The following GREB1 variants were observed in gnomAD, a reference collection of about 807,000 sequenced individuals.
GREB1 encodes the protein growth regulating estrogen receptor binding 1.
Under a neutral mutation model 200.7 loss-of-function variants are expected in GREB1, and 106 were observed. The ratio of observed to expected loss-of-function variants is 0.53; its 90% confidence interval spans 0.45 to 0.62. GREB1 has a LOEUF of 0.62. GREB1 is among the 20% of genes least tolerant of loss of function. The pLI is 0.00. For missense variants in GREB1, 2,243 were observed against 2,556.8 expected (o/e 0.88, Z 2.65); for synonymous variants, 1,132 against 1,092.4 (o/e 1.04, Z -0.72).
chr2:11,552,988 C>T (rs1334495602), intron 1 of GREB1, among the ~76,000 whole-genome samples: 15 of 132,534 alleles, frequency 1.1e-4, no homozygotes, highest in African/African-American at 3.0e-4. Flanking sequence ...CCAGCCTGGG[C>T]GACAGAGCGA....
chr2:11,627,150 T>C (rs746046518), intron 25 of GREB1, 46 bp downstream of exon 25: 15 of 1,517,044 alleles, frequency 9.9e-6, no homozygotes, highest in Non-Finnish European at 1.3e-5. Flanking sequence ...TTGGCTCACA[T>C]TGTCCGTTCC....
chr2:11,531,465 G>A (rs1456849709), upstream of GREB1, among the ~76,000 whole-genome samples: 1 of 151,790 alleles, frequency 6.6e-6, no homozygotes, highest in African/African-American at 2.4e-5. Context: ...AAATGCATGT[G>A]ATCATTTGTA....
intron 17 of GREB1, among the ~76,000 whole-genome samples, chr2:11,605,144 C>CTT (rs3035991): frequency 0.024 from 1,061 of 44,778 alleles, 211 homozygotes; most frequent in Non-Finnish European, 0.036. Context: ...GAGCCTGCTT[C>CTT]TTTTTTTTTT....
chr2:11,499,267 T>C (rs1345230291), intron 1 of GREB1, among the ~76,000 whole-genome samples: 1 of 152,218 alleles, frequency 6.6e-6, no homozygotes, highest in Non-Finnish European at 1.5e-5. Context: ...ATGAGGTCTT[T>C]GTGTGTGGGT....
At chr2:11,570,299 C>A (rs757473714) in intron 4 of GREB1, among the ~76,000 whole-genome samples, 4 of 151,742 alleles carry the variant, frequency 2.6e-5, no homozygotes, top group Admixed American at 6.6e-5. Context: ...ATCCCAGCTA[C>A]TCGGGAGGCT....
chr2:11,623,848 C>CA (rs1684209303), intron 23 of GREB1, among the ~76,000 whole-genome samples: 1 of 152,060 alleles, frequency 6.6e-6, no homozygotes, highest in African/African-American at 2.4e-5. Flanking sequence ...GAGATGGTGC[C>CA]ACTCCATCCT....
intron 1 of GREB1, among the ~76,000 whole-genome samples, chr2:11,553,033 C>T (rs1417414375): frequency 2.0e-5 from 3 of 148,482 alleles, no homozygotes; most frequent in Non-Finnish European, 2.9e-5. Flanking sequence ...AAAAGAGCCG[C>T]AGATTTGAAT....
intron 1 of GREB1, among the ~76,000 whole-genome samples, chr2:11,535,154 C>T (rs1049906290): frequency 5.3e-5 from 8 of 152,278 alleles, no homozygotes; most frequent in Admixed American, 4.6e-4. Context: ...TCACAGAAGA[C>T]CCCTGGTCCC....
intron 1 of GREB1, among the ~76,000 whole-genome samples, chr2:11,510,688 ATTT>A (rs56901979): frequency 1.8e-4 from 18 of 102,232 alleles, no homozygotes; most frequent in Admixed American, 2.0e-4. Context: ...GAACATATGG[ATTT>A]TTTTTTTTTT....
chr2:11,554,656 T>G (rs6432215), intron 1 of GREB1, among the ~76,000 whole-genome samples: 2 of 152,064 alleles, frequency 1.3e-5, no homozygotes, highest in African/African-American at 4.8e-5. Flanking sequence ...CCATTTTGTA[T>G]GTCAAATGTT....
intron 9 of GREB1, among the ~76,000 whole-genome samples, chr2:11,586,464 G>A (rs756262194): frequency 6.6e-6 from 1 of 152,210 alleles, no homozygotes; most frequent in East Asian, 1.9e-4. Flanking sequence ...GTAGACTTTT[G>A]GCTCAGCTGA....
chr2:11,538,626 TTTC>T (rs1558510555), intron 1 of GREB1, among the ~76,000 whole-genome samples: 1 of 19,428 alleles, frequency 5.1e-5, no homozygotes, highest in African/African-American at 9.5e-5. Context: ...TCTTTCTTTC[TTTC>T]TTTCTTTCTT....
intron 7 of GREB1, 126 bp from the exon 8 acceptor site, chr2:11,585,035 C>T: frequency 1.9e-6 from 1 of 516,138 alleles, no homozygotes; most frequent in Non-Finnish European, 3.4e-6. Flanking sequence ...CCTTAAAACC[C>T]ACGTGAATCT....
In GREB1 at chr2:11,552,574, C is replaced by G. The variant is rs553263722; in HGVS notation, c.-161-3880C>G. Among the ~76,000 whole-genome samples the G allele has an allele frequency of 2.6e-5, 4 of 152,326 alleles. No individual in the cohort carries two copies. The East Asian group carries it at 7.7e-4, about 29-fold the overall frequency. ...GGGTCAGAGAGCTCCAGATGTACCT[C>G]CGCGGCAGGACCGGTCTGGCCCAAA... On this transcript the variant is annotated intron_variant, in intron 1 of 32. Transcript: ENST00000381486.
chr2:11,488,150 A>G (rs935873988), intron 1 of GREB1, among the ~76,000 whole-genome samples: 7 of 152,086 alleles, frequency 4.6e-5, no homozygotes, highest in Non-Finnish European at 5.9e-5. Flanking sequence ...TTGTCAGGGA[A>G]CTTGTACAAA....
rs745994626 is a variant in GREB1, at chr2:11,595,293, C to T, written c.1739C>T (p.Pro580Leu). The T allele has an allele frequency of 3.1e-6, 5 of 1,613,818 alleles. No homozygotes were observed. Among genetic ancestry groups the T allele is most frequent in the Non-Finnish European group, 4.2e-6 (5 of 1,179,708 alleles). ...ATTCTTTCCGAGAGCCTTCTCACTC[C>T]TGCGGAGTACCAGAAGGAAGTCAAT... The part of the protein sequence containing the change: ...ARILSESLLT[P>L]AEYQKEVNYE... Residue 580 changes from proline to leucine, a missense_variant, in exon 12 of 33, where the codon CCT becomes CTT. Physicochemically the swap from Pro to Leu is moderately conservative, Grantham distance 98. Coordinates refer to ENST00000381486, the MANE Select transcript of GREB1 (RefSeq NM_014668.4).
At chr2:11,619,929 A>G (rs1683860227) in intron 22 of GREB1, among the ~76,000 whole-genome samples, 1 of 152,210 alleles carries the variant, frequency 6.6e-6, no homozygotes, top group Non-Finnish European at 1.5e-5. Flanking sequence ...TGAACCAAGC[A>G]TTGGGCTCGG....
intron 13 of GREB1, among the ~76,000 whole-genome samples, chr2:11,596,835 A>T (rs1383760369): frequency 4.5e-5 from 4 of 88,314 alleles, no homozygotes; most frequent in Non-Finnish European, 8.5e-5. Flanking sequence ...TGTACAGTGA[A>T]AGGGGGCAGG....
chr2:11,620,818 G>A (rs903292573), intron 22 of GREB1, 87 bp from the exon 23 acceptor site: 19 of 758,454 alleles, frequency 2.5e-5, no homozygotes, highest in South Asian at 6.0e-5. Flanking sequence ...TGAGGCAGAT[G>A]TCAGGAGCCA....
Sources: allele counts gnomAD v4.1 joint callset (sites outside exome capture counted in the v4.1 genomes callset), GRCh38; gene constraint gnomAD v4.1.1; transcripts MANE v1.5; gene names NCBI Gene and HGNC (gene_info 2026-07-23, HGNC 2026-07-21).